The following QTMAN variants were observed in gnomAD, a reference collection of about 807,000 sequenced individuals.
The protein encoded by QTMAN is queuosine-tRNA mannosyltransferase.
At chr2:143,973,121 GT>G in the QTMAN span, among the ~76,000 whole-genome samples, 1 of 151,382 alleles carries the variant, frequency 6.6e-6, no homozygotes, top group Non-Finnish European at 1.5e-5. Flanking sequence ...TAGTAAGTGG[GT>G]TTTTTTTTCT....
chr2:144,088,538 G>C, the QTMAN span, among the ~76,000 whole-genome samples: 2 of 151,920 alleles, frequency 1.3e-5, no homozygotes, highest in African/African-American at 4.8e-5. Flanking sequence ...AAACAATAAA[G>C]CTGGTGGCAT....
the QTMAN span, among the ~76,000 whole-genome samples, chr2:144,212,132 G>A: frequency 6.6e-6 from 1 of 152,178 alleles, no homozygotes; most frequent in Non-Finnish European, 1.5e-5. Context: ...AGTACTACCA[G>A]AAACCTTAAA....
chr2:144,248,304 A>G, the QTMAN span, among the ~76,000 whole-genome samples: 1 of 152,226 alleles, frequency 6.6e-6, no homozygotes, highest in African/African-American at 2.4e-5. Flanking sequence ...CAGGTCAAAA[A>G]CAGCTAAGAA....
At chr2:144,268,784 G>A in the QTMAN span, among the ~76,000 whole-genome samples, 1 of 150,974 alleles carries the variant, frequency 6.6e-6, no homozygotes, top group East Asian at 1.9e-4. Flanking sequence ...CTTTCTAATG[G>A]CCCCAAATTT....
the QTMAN span, among the ~76,000 whole-genome samples, chr2:144,053,275 T>C: frequency 2.0e-5 from 3 of 152,146 alleles, no homozygotes; most frequent in African/African-American, 7.2e-5. Context: ...GTACTGTGGG[T>C]TGGAGTAAAA....
the QTMAN span, among the ~76,000 whole-genome samples, chr2:144,112,175 A>G: frequency 5.3e-5 from 8 of 152,380 alleles, no homozygotes; most frequent in Middle Eastern, 6.8e-3. Flanking sequence ...CAAATGACAC[A>G]AAATATCTAG....
At chr2:144,053,462 ATAT>A in the QTMAN span, among the ~76,000 whole-genome samples, 1 of 152,320 alleles carries the variant, frequency 6.6e-6, no homozygotes, top group East Asian at 1.9e-4. Context: ...ATTATTCAGT[ATAT>A]TATTATATCC....
the QTMAN span, chr2:143,942,470 C>A: frequency 6.0e-6 from 1 of 167,478 alleles, no homozygotes; most frequent in Non-Finnish European, 1.5e-5. Flanking sequence ...AGAGGCAACA[C>A]TATGGGGAGT....
At chr2:144,127,616 G>T in the QTMAN span, among the ~76,000 whole-genome samples, 1 of 151,958 alleles carries the variant, frequency 6.6e-6, no homozygotes, top group African/African-American at 2.4e-5. Flanking sequence ...TGTGAGTGGC[G>T]ATTAAAGTTG....
chr2:144,247,983 G>A, the QTMAN span, among the ~76,000 whole-genome samples: 1 of 152,288 alleles, frequency 6.6e-6, no homozygotes, highest in Admixed American at 6.5e-5. Context: ...GCACCACTGA[G>A]CCCAGCCACC....
chr2:144,284,469 G>A, the QTMAN span, among the ~76,000 whole-genome samples: 6 of 151,758 alleles, frequency 4.0e-5, no homozygotes, highest in Non-Finnish European at 5.9e-5. Flanking sequence ...ACCATGGATG[G>A]CTATAATATT....
the QTMAN span, chr2:144,208,842 C>T: frequency 8.4e-7 from 1 of 1,190,014 alleles, no homozygotes; most frequent in African/African-American, 1.6e-5. Flanking sequence ...TTTTCCATTA[C>T]ATACATGTAT....
the QTMAN span, among the ~76,000 whole-genome samples, chr2:144,300,854 T>C: frequency 1.3e-5 from 2 of 152,188 alleles, no homozygotes; most frequent in African/African-American, 2.4e-5. Context: ...TTGATGATTA[T>C]ATGTTATCAG....
At chr2:144,304,914 A>G in the QTMAN span, among the ~76,000 whole-genome samples, 1 of 152,222 alleles carries the variant, frequency 6.6e-6, no homozygotes, top group African/African-American at 2.4e-5. Flanking sequence ...TGTCTGTTGG[A>G]AAATTTCTAT....
At chr2:144,041,818 G>T in the QTMAN span, among the ~76,000 whole-genome samples, 1 of 152,180 alleles carries the variant, frequency 6.6e-6, no homozygotes, top group Non-Finnish European at 1.5e-5. Context: ...GAGAATGAGA[G>T]CAAGCCCTGT....
At chr2:144,053,852 A>T in the QTMAN span, among the ~76,000 whole-genome samples, 1 of 152,192 alleles carries the variant, frequency 6.6e-6, no homozygotes, top group African/African-American at 2.4e-5. Context: ...AAACAATGTT[A>T]GGCAGATCTG....
chr2:144,209,454 A>G, the QTMAN span, among the ~76,000 whole-genome samples: 47 of 152,324 alleles, frequency 3.1e-4, no homozygotes, highest in Non-Finnish European at 4.7e-4. Flanking sequence ...ACTTCCCCAC[A>G]CTTGTCAATG....
At chr2:144,120,334 A>C in the QTMAN span, among the ~76,000 whole-genome samples, 6 of 152,256 alleles carry the variant, frequency 3.9e-5, no homozygotes, top group Admixed American at 2.6e-4. Flanking sequence ...ACTCAAGTCC[A>C]ACTGCCCCAA....
At chr2:144,113,082 C>T in the QTMAN span, among the ~76,000 whole-genome samples, 5 of 152,048 alleles carry the variant, frequency 3.3e-5, no homozygotes, top group East Asian at 1.9e-4. Flanking sequence ...ACTCATCATA[C>T]GAAGAACCAC....
Sources: allele counts gnomAD v4.1 joint callset (sites outside exome capture counted in the v4.1 genomes callset), GRCh38; gene constraint gnomAD v4.1.1; transcripts MANE v1.5; gene names NCBI Gene and HGNC (gene_info 2026-07-23, HGNC 2026-07-21).